PEPD: variants seen among roughly 807,000 people sequenced by gnomAD.
The protein encoded by PEPD is xaa-Pro dipeptidase.
In PEPD, 53 loss-of-function variants were observed where a neutral mutation model predicts 60.7. The ratio of observed to expected loss-of-function variants is 0.87; its 90% CI spans 0.70 to 1.10. The LOEUF (loss-of-function observed/expected upper bound fraction) is 1.10, where lower values mean the gene tolerates loss of function less well. PEPD is among the 50% of genes least tolerant of loss of function. The probability of loss-of-function intolerance (pLI) is 0.00; values close to 1 mark genes in which losing one functional copy is unlikely to be tolerated. For missense variants in PEPD, 711 were observed against 711.9 expected (o/e 1.00, Z 0.01); for synonymous variants, 267 against 284.1 (o/e 0.94, Z 0.60).
chr19:33,454,643 T>A (rs1474291486), intron 9 of PEPD, among the ~76,000 whole-genome samples: 4 of 147,522 alleles, frequency 2.7e-5, no homozygotes, highest in East Asian at 3.9e-4. Flanking sequence ...ATTTCAAGTT[T>A]AAAAAAAAAA....
At chr19:33,441,491 C>T (rs73588275) in intron 9 of PEPD, among the ~76,000 whole-genome samples, 1,824 of 152,334 alleles carry the variant, frequency 0.012, 37 homozygotes, top group African/African-American at 0.041. Context: ...CAGACCTGCA[C>T]GTCTTTGCGC....
In PEPD at chr19:33,478,079, T is replaced by A; in HGVS notation, c.515A>T (p.Asn172Ile). 2.5e-6 allele frequency: 4 copies of A among 1,610,558 alleles called. No individual in the cohort carries two copies. Among genetic ancestry groups the A allele is most frequent in the Non-Finnish European group, 3.4e-6 (4 of 1,177,630 alleles). Reference protein sequence around the residue: ...SFDGISKFEVNNTILHPEIVE... With the variant: ...SFDGISKFEVINTILHPEIVE... ...GATCTCTGGGTGAAGAATGGTATTG[T>A]TGACTTCGAACCTGTAGGGCGAAAA... Residue 172 changes from asparagine (N) to isoleucine (I), a missense_variant, in exon 7 of 15, where the codon AAC becomes ATC. Physicochemically the swap from Asn to Ile is moderately radical, Grantham distance 149. Transcript: ENST00000244137.
chr19:33,497,978 C>A (rs529622636), intron 4 of PEPD, among the ~76,000 whole-genome samples: 1 of 151,996 alleles, frequency 6.6e-6, no homozygotes, highest in South Asian at 2.1e-4. Flanking sequence ...GGACTGTGGA[C>A]GAGGCCTTTC....
At chr19:33,505,909 T>C (rs201953389) in intron 3 of PEPD, among the ~76,000 whole-genome samples, 26 of 67,868 alleles carry the variant, frequency 3.8e-4, no homozygotes, top group South Asian at 1.9e-3. Context: ...CACCCACACA[T>C]ACCCTCATCA....
intron 9 of PEPD, among the ~76,000 whole-genome samples, chr19:33,414,404 T>G (rs1968844237): frequency 6.6e-6 from 1 of 152,234 alleles, no homozygotes; most frequent in Admixed American, 6.5e-5. Context: ...AGTCACTGCA[T>G]GGATCTTTGA....
intron 9 of PEPD, among the ~76,000 whole-genome samples, chr19:33,456,073 T>C (rs1311604274): frequency 2.0e-5 from 3 of 152,204 alleles, no homozygotes; most frequent in Non-Finnish European, 4.4e-5. Context: ...TTTCTCCACA[T>C]GCCCATTCCT....
Position 33,490,022 on chromosome 19 carries a change from C to CCTG in PEPD, c.474_476dup (p.Cys158_Arg159insSer), listed in dbSNP as rs769384433. ...TGCTGATGCCGTCAAAGGAGGCCTC[C>CCTG]CTGCAGACACTGCCGCTGTCCGTGT... On this transcript the variant is annotated inframe_insertion, in exon 6 of 15. Coordinates refer to ENST00000244137, the MANE Select transcript of PEPD (RefSeq NM_000285.4). 1 of 1,611,878 alleles carries CCTG rather than the reference C, an allele frequency of 6.2e-7. No homozygotes were observed. Among genetic ancestry groups the CCTG allele is most frequent in the Middle Eastern group, 1.7e-4 (1 of 6,056 alleles).
At chr19:33,443,975 C>T (rs910082906) in intron 9 of PEPD, among the ~76,000 whole-genome samples, 6 of 151,888 alleles carry the variant, frequency 4.0e-5, no homozygotes, top group African/African-American at 7.3e-5. Context: ...CACGCGCGTG[C>T]GCGCGCACAC....
At chr19:33,498,068 C>T (rs3786917) in intron 4 of PEPD, among the ~76,000 whole-genome samples, 4,929 of 151,994 alleles carry the variant, frequency 0.032, 139 homozygotes, top group East Asian at 0.066. Context: ...GTGTCCCTCC[C>T]GCAGCGGGAG....
At chr19:33,427,736 A>ATG (rs10680348) in intron 9 of PEPD, among the ~76,000 whole-genome samples, 62,443 of 151,968 alleles carry the variant, frequency 0.41, 13,518 homozygotes, top group African/African-American at 0.53. Context: ...GCCTTAACAG[A>ATG]TCTTGTTTTT....
At chr19:33,426,893 C>T (rs73927877) in intron 9 of PEPD, among the ~76,000 whole-genome samples, 19,627 of 152,266 alleles carry the variant, frequency 0.13, 1,485 homozygotes, top group East Asian at 0.28. Flanking sequence ...GCGAAATGTG[C>T]CATGGAGGGA....
At chr19:33,434,422 T>A (rs1969336037) in intron 9 of PEPD, among the ~76,000 whole-genome samples, 1 of 152,136 alleles carries the variant, frequency 6.6e-6, no homozygotes, top group Non-Finnish European at 1.5e-5. Flanking sequence ...TTTCTGCTTT[T>A]TTATCCCCCC....
chr19:33,521,732 C>G lies in PEPD; in HGVS notation c.17+12G>C, dbSNP rs775048548. On this transcript the variant is annotated intron_variant, in intron 1 of 14. Transcript: ENST00000244137. ...CGCCAGCGGGAAAGAGCGAGGGAGG[C>G]GCAGCACTCACCCGGTGGCCGCCGC... The G allele has an allele frequency of 7.0e-6, 11 of 1,580,178 alleles. No individual in the cohort carries two copies. The highest frequency in any genetic ancestry group is 9.4e-6 in the Non-Finnish European group (11 of 1,168,346).
chr19:33,388,293 T>C (rs1968128715), intron 13 of PEPD: 1 of 692,706 alleles, frequency 1.4e-6, no homozygotes, highest in Admixed American at 2.0e-5. Context: ...TGAGTGTCCC[T>C]GGCCACACTA....
At chr19:33,397,755 T>G (rs752470314) in intron 12 of PEPD, among the ~76,000 whole-genome samples, 47 of 152,064 alleles carry the variant, frequency 3.1e-4, no homozygotes, top group Non-Finnish European at 5.7e-4. Flanking sequence ...CCTAGCTGGA[T>G]TTGGCCTTGT....
chr19:33,512,856 C>G, intron 1 of PEPD, 80 bp from the exon 2 acceptor site: 1 of 1,518,334 alleles, frequency 6.6e-7, no homozygotes, highest in South Asian at 1.1e-5. Flanking sequence ...GTCGGGGTGA[C>G]CGGAGGCCCG....
Position 33,401,730 on chromosome 19 carries a change from T to TGGCACG in PEPD, c.957_958insCGTGCC (p.Ala319_Met320insArgAla). Reference sequence around the variant, plus strand: ...CCGACCCGCTGCTCACCTGGCTTCATGGCACCCATGACGGCACGGGAGCTC... The same window carrying TGGCACG: ...CCGACCCGCTGCTCACCTGGCTTCATGGCACGGGCACCCATGACGGCACGGGAGCTC... On this transcript the variant is annotated inframe_insertion, in exon 12 of 15. Transcript: ENST00000244137. The TGGCACG allele has an allele frequency of 1.2e-6, 2 of 1,607,800 alleles. No individual in the cohort carries two copies. The highest frequency in any genetic ancestry group is 1.7e-6 in the Non-Finnish European group (2 of 1,177,642).
chr19:33,519,025 G>C (rs977911947), intron 1 of PEPD, among the ~76,000 whole-genome samples: 2 of 152,102 alleles, frequency 1.3e-5, no homozygotes, highest in African/African-American at 4.8e-5. Context: ...AAGCCATGTG[G>C]GAGAGCAGAT....
At position 33,413,648 on chromosome 19, in the gene PEPD, A is replaced by AG. The variant is rs1968828831; in HGVS notation, c.672-6dup. ...TAGCAGTAGTGCTCGAAGAGGCTGC[A>AG]GGGGGAGAGACGCGTCAGGGTTGGG... On this transcript the variant is annotated splice_region_variant and splice_polypyrimidine_tract_variant and intron_variant, in intron 9 of 14. Transcript: ENST00000244137. The AG allele has an allele frequency of 6.4e-7, 1 of 1,570,936 alleles. No homozygotes were observed. The highest frequency in any genetic ancestry group is 8.7e-7 in the Non-Finnish European group (1 of 1,153,876).
Sources: gnomAD v4.1 joint callset for allele counts (sites outside exome capture counted in the v4.1 genomes callset) on GRCh38, gnomAD v4.1.1 for gene constraint, MANE v1.5 for transcripts, NCBI Gene and HGNC (gene_info 2026-07-23, HGNC 2026-07-21) for gene names.